Variants in RBFOX1 observed in about 807,000 individuals in gnomAD.
RBFOX1 encodes RNA binding protein fox-1 homolog 1.
Under a neutral mutation model 57.7 loss-of-function variants are expected in RBFOX1, and 8 were observed. The ratio of observed to expected loss-of-function variants is 0.14; its 90% CI spans 0.08 to 0.25. The LOEUF is 0.25. RBFOX1 is among the 10% of genes least tolerant of loss of function. RBFOX1 has a pLI of 1.00. For missense variants in RBFOX1, 611 were observed against 548.5 expected (o/e 1.11, Z -1.14); for synonymous variants, 326 against 222.4 (o/e 1.47, Z -4.15).
chr16:7,345,794 G>C (rs981349458), intron 4 of RBFOX1, among the ~76,000 whole-genome samples: 1 of 152,032 alleles, frequency 6.6e-6, no homozygotes, highest in Non-Finnish European at 1.5e-5. Context: ...GTCTGCATGT[G>C]TATTTTCTTT....
chr16:6,270,369 A>G (rs894492060), intron 1 of RBFOX1, among the ~76,000 whole-genome samples: 3 of 151,978 alleles, frequency 2.0e-5, no homozygotes, highest in African/African-American at 7.2e-5. Context: ...GGTAGACTGA[A>G]AGTAAAAGGA....
intron 4 of RBFOX1, among the ~76,000 whole-genome samples, chr16:5,904,444 A>G (rs1278091229): frequency 6.6e-6 from 1 of 151,854 alleles, no homozygotes; most frequent in East Asian, 2.0e-4. Flanking sequence ...AGGGCAGGAA[A>G]TATGGGGAAC....
At chr16:6,246,297 G>C (rs1004578479) in intron 1 of RBFOX1, among the ~76,000 whole-genome samples, 1 of 152,126 alleles carries the variant, frequency 6.6e-6, no homozygotes, top group African/African-American at 2.4e-5. Flanking sequence ...CCAGCTCTTA[G>C]TGGGCTATAG....
intron 1 of RBFOX1, among the ~76,000 whole-genome samples, chr16:5,336,832 A>C (rs1194337200): frequency 6.6e-6 from 1 of 152,144 alleles, no homozygotes; most frequent in Admixed American, 6.5e-5. Flanking sequence ...AATGGTGCTC[A>C]TGGCTTTTTA....
chr16:6,363,354 A>T (rs2088962920), intron 2 of RBFOX1, among the ~76,000 whole-genome samples: 1 of 152,224 alleles, frequency 6.6e-6, no homozygotes, highest in Admixed American at 6.5e-5. Flanking sequence ...TCAGATATTT[A>T]AACAGACTAG....
chr16:7,693,559 T>C (rs2077884238), intron 14 of RBFOX1, among the ~76,000 whole-genome samples: 1 of 152,106 alleles, frequency 6.6e-6, no homozygotes, highest in Admixed American at 6.6e-5. Context: ...TTAGGCATTT[T>C]GCTAACTTTG....
At chr16:6,774,443 G>A (rs7500394) in intron 3 of RBFOX1, among the ~76,000 whole-genome samples, 3 of 151,908 alleles carry the variant, frequency 2.0e-5, no homozygotes, top group East Asian at 1.9e-4. Context: ...GGTTCCAGAA[G>A]CAAATTAAAT....
intron 3 of RBFOX1, among the ~76,000 whole-genome samples, chr16:6,816,324 C>T (rs1163629444): frequency 6.6e-6 from 1 of 151,994 alleles, no homozygotes; most frequent in East Asian, 1.9e-4. Context: ...ATCATTCAGT[C>T]AACAATCATT....
At chr16:5,560,378 A>G (rs1219593264) in intron 2 of RBFOX1, among the ~76,000 whole-genome samples, 1 of 152,028 alleles carries the variant, frequency 6.6e-6, no homozygotes, top group Non-Finnish European at 1.5e-5. Flanking sequence ...GAAGCACTAA[A>G]TCACCTCCTG....
In RBFOX1 at chr16:7,678,871, G is replaced by A. The variant is rs188617648; in HGVS notation, c.995+2033G>A. The stretch of plus-strand genomic sequence containing the variant: ...CACTGAAAGATTGCCCTTGTTCTTG[G>A]ATTGGTGAATCTTTAATAACTGCAA... On this transcript the variant is annotated intron_variant, in intron 14 of 15. Transcript: ENST00000550418. 1.6e-3 allele frequency among the ~76,000 whole-genome samples: 249 copies of A among 152,246 alleles called. 1 individual carries two copies. In the South Asian group the frequency reaches 0.02, roughly 12 times the overall value.
intron 5 of RBFOX1, among the ~76,000 whole-genome samples, chr16:7,555,571 T>C (rs2088112726): frequency 6.6e-6 from 1 of 152,202 alleles, no homozygotes; most frequent in African/African-American, 2.4e-5. Context: ...TAGAGCAGAC[T>C]ACAAAGACCT....
Position 5,380,954 on chromosome 16 carries a change from C to G in RBFOX1, c.220-86262C>G, listed in dbSNP as rs185638027. 4.7e-3 allele frequency among the ~76,000 whole-genome samples: 709 copies of G among 152,294 alleles called. 7 individuals carry two copies. The highest frequency in any genetic ancestry group is 5.0e-3 in the Non-Finnish European group (338 of 68,032). ...TTTTATGCACTAAAATGGCACTGCC[C>G]ATCACTTGAGGTTTGGCAATAAAGA... On this transcript the variant is annotated intron_variant, in intron 1 of 2. Transcript: ENST00000585867.
chr16:6,278,441 C>T (rs17139742), intron 1 of RBFOX1, among the ~76,000 whole-genome samples: 1,947 of 128,054 alleles, frequency 0.015, 55 homozygotes, highest in African/African-American at 0.053. Flanking sequence ...AGAGTATTAC[C>T]TAATCGCATG....
chr16:7,319,624 A>C (rs1426653110), intron 4 of RBFOX1, among the ~76,000 whole-genome samples: 4 of 152,154 alleles, frequency 2.6e-5, no homozygotes, highest in African/African-American at 9.7e-5. Context: ...AAGAGATTTC[A>C]GCATCGAGGC....
At chr16:5,525,462 C>T (rs4073567) in intron 2 of RBFOX1, among the ~76,000 whole-genome samples, 14,431 of 149,058 alleles carry the variant, frequency 0.097, 1,720 homozygotes, top group African/African-American at 0.28. Flanking sequence ...AGACTCACAC[C>T]GAGATAGGCT....
intron 2 of RBFOX1, among the ~76,000 whole-genome samples, chr16:6,462,395 G>A (rs17140285): frequency 6.6e-6 from 1 of 152,114 alleles, no homozygotes; most frequent in East Asian, 1.9e-4. Context: ...GCAAGGCATG[G>A]TTATTGTCCA....
chr16:5,750,517 A>G (rs1398104002), intron 3 of RBFOX1, among the ~76,000 whole-genome samples: 3 of 152,234 alleles, frequency 2.0e-5, no homozygotes, highest in African/African-American at 7.2e-5. Context: ...GGCTCCACAC[A>G]GTTGGAGCTT....
At chr16:6,744,349 C>G (rs546821530) in intron 3 of RBFOX1, among the ~76,000 whole-genome samples, 1 of 151,894 alleles carries the variant, frequency 6.6e-6, no homozygotes, top group African/African-American at 2.4e-5. Context: ...ATTAATTTGC[C>G]TTAATTAATG....
chr16:7,661,133 G>C (rs1344151467), intron 12 of RBFOX1, among the ~76,000 whole-genome samples: 1 of 152,116 alleles, frequency 6.6e-6, no homozygotes, highest in Non-Finnish European at 1.5e-5. Flanking sequence ...TGGTAAAATT[G>C]GCTTCCCATT....
Sources: allele counts gnomAD v4.1 joint callset (sites outside exome capture counted in the v4.1 genomes callset), GRCh38; gene constraint gnomAD v4.1.1; transcripts MANE v1.5; gene names NCBI Gene and HGNC (gene_info 2026-07-23, HGNC 2026-07-21).